The following PPP1R14B variants were observed in gnomAD, a reference collection of about 807,000 sequenced individuals.
PPP1R14B encodes protein phosphatase 1 regulatory subunit 14B.
A neutral mutation model predicts 14.7 loss-of-function variants in PPP1R14B; 4 were observed. The observed-to-expected ratio is 0.27, with a 90% CI of 0.13 to 0.62. PPP1R14B has a LOEUF of 0.62. Ranked by LOEUF, PPP1R14B falls within the 20% of genes least tolerant of loss-of-function variation. The probability of loss-of-function intolerance (pLI) is 0.85; values close to 1 mark genes in which losing one functional copy is unlikely to be tolerated. For synonymous variants in PPP1R14B, 76 were observed against 87.3 expected, an observed-to-expected ratio of 0.87 and a Z score of 0.72; for missense variants, 138 against 201.5, an observed-to-expected ratio of 0.68 and a Z score of 1.91.
Position 64,246,399 on chromosome 11 carries a change from G to C in PPP1R14B, c.258+17C>G, listed in dbSNP as rs753621084. 9 of 1,600,844 alleles carry C rather than the reference G, an allele frequency of 5.6e-6. No homozygotes were observed. The East Asian group carries it at 2.0e-4, about 36-fold the overall frequency. On this transcript the variant is annotated intron_variant, in intron 1 of 3. Transcript: ENST00000309318. ...GCGAGACCGATTTTGGGGTGTCGGC[G>C]CGGGGTGGGAACACACCTGGCAGTC...
chr11:64,245,495 G>A, intron 1 of PPP1R14B: 2 of 491,322 alleles, frequency 4.1e-6, no homozygotes, highest in South Asian at 5.3e-5. Flanking sequence ...GGAGCTTCCT[G>A]TCCCTGCCAG....
chr11:64,244,817 G>T lies in PPP1R14B; in HGVS notation c.381C>A (p.Phe127Leu). 1.2e-6 allele frequency: 2 copies of T among 1,614,136 alleles called. No homozygotes were observed. The highest frequency in any genetic ancestry group is 1.7e-6 in the Non-Finnish European group (2 of 1,180,010). Reference sequence around the variant, plus strand: ...GGATCTTGTCCAGCAGGCCAGAAATGAAGGCCTGGATGGGGTGGGAGGGTA... The same window carrying T: ...GGATCTTGTCCAGCAGGCCAGAAATTAAGGCCTGGATGGGGTGGGAGGGTA... ...LVDCYKPTEA[F>L]ISGLLDKIRG... The change falls in exon 4 of 4, where the codon TTC becomes TTA. Residue 127 changes from phenylalanine (F) to leucine (L), a missense_variant. Physicochemically the swap from Phe to Leu is conservative, Grantham distance 22. This residue lies in a region of PPP1R14B where 84 missense variants were observed against 137.5 expected (regional missense o/e 0.61). Transcript: ENST00000309318.
At chr11:64,245,061 C>T (rs1591090132) in intron 2 of PPP1R14B, 99 bp from the exon 3 acceptor site, 1 of 1,462,906 alleles carries the variant, frequency 6.8e-7, no homozygotes, top group Non-Finnish European at 9.3e-7. Flanking sequence ...CACCCTGAGG[C>T]ACAGGAGATG....
Position 64,246,840 on chromosome 11 carries a change from G to A in PPP1R14B, c.-167C>T. ...GCAGCTGCAGCATGCGGAGCCCCCG[G>A]GCTTGGCCTGGCCGCGCCCCGCCCC... On this transcript the variant is annotated 5_prime_UTR_variant, in exon 1 of 4. Transcript: ENST00000309318. 2 of 394,044 alleles carry A rather than the reference G, an allele frequency of 5.1e-6. No homozygotes were observed. Among genetic ancestry groups the A allele is most frequent in the Non-Finnish European group, 6.9e-6 (2 of 291,244 alleles). The allele number at this position is 394,044 out of a possible 1,614,324, so 24.4% of individuals were successfully genotyped here.
rs1416756700 is a variant in PPP1R14B at position 64,244,579 on chromosome 11, A to C, written c.*175T>G. The stretch of plus-strand genomic sequence containing the variant: ...CCCATCAGTTTAATAACAATAAAAA[A>C]CCCCAAAAGTGGAAAACTGAGGGGG... On this transcript the variant is annotated 3_prime_UTR_variant, in exon 4 of 4. Coordinates refer to ENST00000309318, the MANE Select transcript of PPP1R14B (RefSeq NM_138689.3). 11 of 1,395,334 alleles carry C rather than the reference A, an allele frequency of 7.9e-6. No individual in the cohort carries two copies. Among genetic ancestry groups the C allele is most frequent in the Middle Eastern group, 2.6e-4 (1 of 3,798 alleles). The allele number at this position is 1,395,334 out of a possible 1,614,324, so 86.4% of individuals were successfully genotyped here.
chr11:64,245,087 A>G, intron 2 of PPP1R14B, 117 bp downstream of exon 2: 1 of 1,459,474 alleles, frequency 6.9e-7, no homozygotes, highest in Non-Finnish European at 9.4e-7. Context: ...ACAACCTCAC[A>G]GCTAGGCATT....
Position 64,244,491 on chromosome 11 carries a change from A to G in PPP1R14B, c.*263T>C. On this transcript the variant is annotated 3_prime_UTR_variant, in exon 4 of 4. Transcript: ENST00000309318. ...CCAGCCGAGCCTGTTAGCTGCACCAAAGGCGTATCCTAGCTTTATTAAAGG... is the reference window on the plus strand; with the variant it reads ...CCAGCCGAGCCTGTTAGCTGCACCAGAGGCGTATCCTAGCTTTATTAAAGG... The G allele has an allele frequency of 9.6e-7, 1 of 1,037,358 alleles. No individual in the cohort carries two copies. Among genetic ancestry groups the G allele is most frequent in the South Asian group, 1.8e-5 (1 of 54,424 alleles). 64.3% of individuals were successfully genotyped at this position (1,037,358 alleles called of 1,614,324 possible).
intron 1 of PPP1R14B, 119 bp from the exon 2 acceptor site, chr11:64,245,406 G>A (rs936626343): frequency 1.3e-6 from 1 of 791,386 alleles, no homozygotes; most frequent in South Asian, 1.7e-5. Context: ...CTGCCCAGCA[G>A]ACAGAACAGC....
In PPP1R14B at chr11:64,246,512, C is replaced by T; in HGVS notation, c.162G>A (p.Gly54=). The T allele has an allele frequency of 1.9e-6, 3 of 1,610,236 alleles. No homozygotes were observed. Among genetic ancestry groups the T allele is most frequent in the Non-Finnish European group, 2.5e-6 (3 of 1,179,318 alleles). Residue 54 remains glycine, a synonymous_variant, in exon 1 of 4, where the codon GGG becomes GGA. Transcript: ENST00000309318. ...TGCGGTCATACTTGACGGTGACCTT[C>T]CCTTGGCGCCTCACTGGGCCCTCAT... is the stretch of plus-strand genomic sequence containing the variant. ...ADDEGPVRRQ[G]KVTVKYDRKE...
In PPP1R14B at chr11:64,246,223, C is replaced by T. The variant is rs1297303903; in HGVS notation, c.258+193G>A. On this transcript the variant is annotated intron_variant, in intron 1 of 3. Transcript: ENST00000309318. ...GCATGATGGGGGGCAGGGTCCGAGGCAACGGAGAAGGCAGAAGTGACTTAG... is the reference window on the plus strand; with the variant it reads ...GCATGATGGGGGGCAGGGTCCGAGGTAACGGAGAAGGCAGAAGTGACTTAG... The T allele has an allele frequency of 5.6e-6, 4 of 717,838 alleles. No homozygotes were observed. The African/African-American group carries it at 7.3e-5, about 13-fold the overall frequency. The allele number at this position is 717,838 out of a possible 1,614,324, so 44.5% of individuals were successfully genotyped here.
At chr11:64,245,069 A>T in intron 2 of PPP1R14B, 107 bp from the exon 3 acceptor site, 1 of 1,451,188 alleles carries the variant, frequency 6.9e-7, no homozygotes. Flanking sequence ...GGCACAGGAG[A>T]TGCCACAACA....
At position 64,246,708 on chromosome 11, in the gene PPP1R14B, C is replaced by G; in HGVS notation, c.-35G>C. The G allele has an allele frequency of 3.9e-6, 4 of 1,026,084 alleles. No individual in the cohort carries two copies. The highest frequency in any genetic ancestry group is 4.7e-6 in the Non-Finnish European group (4 of 858,404). The allele number at this position is 1,026,084 out of a possible 1,614,324, so 63.6% of individuals were successfully genotyped here. ...CGGGGCCACGTGCGAGCGTCGGGCC[C>G]CTCCCTGCGCCACCGCCTCCGGGAC... is the stretch of plus-strand genomic sequence containing the variant. On this transcript the variant is annotated 5_prime_UTR_variant, in exon 1 of 4. Coordinates refer to ENST00000309318, the MANE Select transcript of PPP1R14B (RefSeq NM_138689.3).
chr11:64,246,199 C>CA, intron 1 of PPP1R14B: 1 of 613,632 alleles, frequency 1.6e-6, no homozygotes, highest in Non-Finnish European at 2.8e-6. Context: ...TGGGGAGTGG[C>CA]ATGATGGGGG....
At chr11:64,245,103 C>T in intron 2 of PPP1R14B, 101 bp downstream of exon 2, 1 of 1,483,488 alleles carries the variant, frequency 6.7e-7, no homozygotes, top group Non-Finnish European at 9.2e-7. Flanking sequence ...GCATTGGCCC[C>T]ATTCTGTTGA....
intron 2 of PPP1R14B, 106 bp downstream of exon 2, chr11:64,245,098 G>A: frequency 6.8e-7 from 1 of 1,465,758 alleles, no homozygotes. Flanking sequence ...GCTAGGCATT[G>A]GCCCCATTCT....
chr11:64,244,584 A>C lies in PPP1R14B; in HGVS notation c.*170T>G. The C allele has an allele frequency of 5.0e-6, 7 of 1,402,264 alleles. No individual in the cohort carries two copies. The highest frequency in any genetic ancestry group is 6.7e-6 in the Non-Finnish European group (7 of 1,049,350). 86.9% of individuals were successfully genotyped at this position (1,402,264 alleles called of 1,614,324 possible). A position where few individuals can be genotyped will look rare whatever the true frequency, so the allele number is the denominator to read the frequency against. On this transcript the variant is annotated 3_prime_UTR_variant, in exon 4 of 4. Coordinates refer to ENST00000309318, the MANE Select transcript of PPP1R14B (RefSeq NM_138689.3). ...CAGTTTAATAACAATAAAAAACCCC[A>C]AAAGTGGAAAACTGAGGGGGCAGGG...
At chr11:64,245,089 C>T in intron 2 of PPP1R14B, 115 bp downstream of exon 2, 1 of 1,459,264 alleles carries the variant, frequency 6.9e-7, no homozygotes, top group South Asian at 1.3e-5. Context: ...AACCTCACAG[C>T]TAGGCATTGG....
chr11:64,246,861 G>T lies in PPP1R14B; in HGVS notation c.-188C>A. On this transcript the variant is annotated 5_prime_UTR_variant, in exon 1 of 4. Transcript: ENST00000309318. ...CCCGGGCTTGGCCTGGCCGCGCCCC[G>T]CCCCCTCCCCGCCGATCCGCCCGCC... 1.1e-5 allele frequency: 2 copies of T among 189,142 alleles called. No individual in the cohort carries two copies. Among genetic ancestry groups the T allele is most frequent in the Non-Finnish European group, 1.4e-5 (2 of 143,290 alleles). 11.7% of individuals were successfully genotyped at this position (189,142 alleles called of 1,614,324 possible).
chr11:64,245,589 A>C, intron 1 of PPP1R14B: 1 of 381,912 alleles, frequency 2.6e-6, no homozygotes, highest in Non-Finnish European at 4.7e-6. Flanking sequence ...TCTCCCCAAC[A>C]TCCGGGCCCC....
Sources: gnomAD v4.1 joint callset for allele counts on GRCh38, gnomAD v4.1.1 for gene constraint, gnomAD v4.1.1 regional missense constraint, MANE v1.5 for transcripts, NCBI Gene and HGNC (gene_info 2026-07-23, HGNC 2026-07-21) for gene names.